The following LMLN variants were observed in gnomAD, a reference collection of about 807,000 sequenced individuals.
The protein encoded by LMLN is leishmanolysin-like peptidase.
Under a neutral mutation model 92.3 loss-of-function variants are expected in LMLN, and 70 were observed. The observed-to-expected ratio is 0.76, with a 90% CI of 0.63 to 0.92. LMLN has a LOEUF of 0.92. LMLN is among the 40% of genes least tolerant of loss of function. The probability of loss-of-function intolerance (pLI) is 0.00; values close to 1 mark genes in which losing one functional copy is unlikely to be tolerated. For missense variants in LMLN, 691 were observed against 814.6 expected, an observed-to-expected ratio of 0.85 and a Z score of 1.85; for synonymous variants, 308 against 296.2, an observed-to-expected ratio of 1.04 and a Z score of -0.41.
intron 14 of LMLN, among the ~76,000 whole-genome samples, chr3:198,027,396 A>G (rs773657835): frequency 5.9e-5 from 9 of 151,956 alleles, no homozygotes; most frequent in Admixed American, 1.3e-4. Context: ...TAACATAAAC[A>G]TTTCCATTTT....
rs1220015393 is a variant in LMLN at position 197,969,564 on chromosome 3, TAGAG to T, written c.220-4810_220-4807del. ...CATTCTAGTCGAATTTTGTTATTGA[TAGAG>T]AGCATCCTTTTTACCAGTTCTTTTA... On this transcript the variant is annotated intron_variant, in intron 1 of 15. Transcript: ENST00000330198. Among the ~76,000 whole-genome samples, 43 of 152,196 alleles carry T rather than the reference TAGAG, an allele frequency of 2.8e-4. 1 individual carries two copies. The highest frequency in any genetic ancestry group is 2.2e-3 in the Admixed American group (33 of 15,272).
At chr3:197,975,478 C>T (rs370775536) in intron 3 of LMLN, among the ~76,000 whole-genome samples, 3 of 152,178 alleles carry the variant, frequency 2.0e-5, no homozygotes, top group African/African-American at 4.8e-5. Flanking sequence ...GACACACACA[C>T]ATGCACGCAT....
chr3:197,990,721 T>C (rs749393067), intron 9 of LMLN, 45 bp downstream of exon 9: 5 of 922,220 alleles, frequency 5.4e-6, no homozygotes, highest in Non-Finnish European at 8.9e-6. Flanking sequence ...TCTGTTCTTT[T>C]CCTTTACTGT....
chr3:198,019,131 T>G lies in LMLN; in HGVS notation c.1233-122T>G. 1.1e-6 allele frequency: 1 copy of G among 947,170 alleles called. No homozygotes were observed. Among genetic ancestry groups the G allele is most frequent in the Non-Finnish European group, 1.5e-6 (1 of 646,872 alleles). The allele number at this position is 947,170 out of a possible 1,614,324, so 58.7% of individuals were successfully genotyped here. On this transcript the variant is annotated intron_variant, in intron 11 of 15. Transcript: ENST00000330198. The surrounding 1 kb of genome is among the most constrained non-coding windows in gnomAD (Gnocchi z 5.5). ...CCTCCATCTCTTTCCAAGAATCCCATTTGTTAATTATGAAGGTTTGTATTT... is the reference window on the plus strand; with the variant it reads ...CCTCCATCTCTTTCCAAGAATCCCAGTTGTTAATTATGAAGGTTTGTATTT...
chr3:197,966,689 GC>G (rs1721070672), intron 1 of LMLN, among the ~76,000 whole-genome samples: 1 of 151,876 alleles, frequency 6.6e-6, no homozygotes, highest in Non-Finnish European at 1.5e-5. Context: ...TGTCAAATCA[GC>G]CTTGCATTCT....
exon 16 of LMLN, chr3:198,038,731 T>C: frequency 8.0e-7 from 1 of 1,249,292 alleles, no homozygotes; most frequent in Non-Finnish European, 1.2e-6. Flanking sequence ...AAGCACAAAG[T>C]TTGAGTGAGT....
intron 11 of LMLN, among the ~76,000 whole-genome samples, chr3:198,010,100 C>T: frequency 6.6e-6 from 1 of 152,026 alleles, no homozygotes; most frequent in Non-Finnish European, 1.5e-5. Context: ...TTGATTTCTG[C>T]TCCCTGCTAT....
intron 11 of LMLN, among the ~76,000 whole-genome samples, chr3:198,013,820 C>A (rs28424006): frequency 8.0e-6 from 1 of 124,464 alleles, no homozygotes; most frequent in South Asian, 2.4e-4. Context: ...CCTAACTAGT[C>A]GGACTTCTCT....
chr3:198,008,785 T>C (rs1722359223), intron 11 of LMLN, among the ~76,000 whole-genome samples: 1 of 152,236 alleles, frequency 6.6e-6, no homozygotes, highest in African/African-American at 2.4e-5. Flanking sequence ...TCATGCTTTA[T>C]TTTTATTTTG....
At chr3:198,024,434 C>T (rs1490201159) in intron 13 of LMLN, among the ~76,000 whole-genome samples, 1 of 152,168 alleles carries the variant, frequency 6.6e-6, no homozygotes, top group African/African-American at 2.4e-5. Context: ...CCAGGATGGT[C>T]TCCATCTTCT....
At chr3:197,991,722 T>C (rs1721877781) in intron 9 of LMLN, among the ~76,000 whole-genome samples, 1 of 152,184 alleles carries the variant, frequency 6.6e-6, no homozygotes. Flanking sequence ...ATGGCTATTC[T>C]CCTTTCCCCT....
In LMLN at chr3:198,025,351, G is replaced by A. The variant is rs988201243; in HGVS notation, c.1656+563G>A. On this transcript the variant is annotated intron_variant, in intron 14 of 15. Transcript: ENST00000330198. The surrounding 1 kb of genome is among the most constrained non-coding windows in gnomAD (Gnocchi z 4.3). ...CTTTGTAATTAGAAATCCAAAAAGG[G>A]CAAACTACAATTTTTTTTCCTTTTT... 1.3e-5 allele frequency among the ~76,000 whole-genome samples: 2 copies of A among 152,116 alleles called. No individual in the cohort carries two copies. Among genetic ancestry groups the A allele is most frequent in the Admixed American group, 6.5e-5 (1 of 15,268 alleles).
At chr3:197,996,377 G>A in intron 10 of LMLN, 95 bp downstream of exon 10, 1 of 746,664 alleles carries the variant, frequency 1.3e-6, no homozygotes, top group Non-Finnish European at 2.1e-6. Context: ...ACTGAAAAAT[G>A]TTTACGTCCC....
chr3:197,998,437 A>G (rs1441411347), intron 10 of LMLN, among the ~76,000 whole-genome samples: 1 of 152,074 alleles, frequency 6.6e-6, no homozygotes, highest in Admixed American at 6.6e-5. Context: ...TCCTTAAGAA[A>G]TTTTCTTAAG....
intron 9 of LMLN, among the ~76,000 whole-genome samples, chr3:197,993,600 A>G (rs917441347): frequency 1.3e-5 from 2 of 152,156 alleles, no homozygotes; most frequent in Admixed American, 1.3e-4. Context: ...CACAATAAAT[A>G]TAAAGGTATC....
At position 197,974,368 on chromosome 3, in the gene LMLN, T is replaced by A. The variant is rs142223828; in HGVS notation, c.220-9T>A. 2,642 of 1,495,156 alleles carry A rather than the reference T, an allele frequency of 1.8e-3. 8 individuals carry two copies. The highest frequency in any genetic ancestry group is 2.9e-3 in the Admixed American group (159 of 54,192). The allele number at this position is 1,495,156 out of a possible 1,614,324, so 92.6% of individuals were successfully genotyped here. On this transcript the variant is annotated splice_polypyrimidine_tract_variant and intron_variant, in intron 1 of 15. Transcript: ENST00000330198. ...CTTAAACAGTTTTCAAATCCGTTCC[T>A]TTTTTCAGGTCATAAATAAAGTTCA...
intron 13 of LMLN, among the ~76,000 whole-genome samples, chr3:198,022,952 A>G (rs1039633337): frequency 8.5e-5 from 13 of 152,226 alleles, no homozygotes; most frequent in African/African-American, 2.9e-4. Flanking sequence ...TCTGTCAGTT[A>G]TGGATTTGCC....
chr3:197,964,049 A>G (rs180786042), intron 1 of LMLN, among the ~76,000 whole-genome samples: 17 of 152,308 alleles, frequency 1.1e-4, no homozygotes, highest in Middle Eastern at 3.4e-3. Flanking sequence ...ATAGTTTCTC[A>G]CTTTATGAAC....
intron 5 of LMLN, among the ~76,000 whole-genome samples, chr3:197,978,378 G>A (rs1303216526): frequency 2.0e-5 from 3 of 152,168 alleles, no homozygotes; most frequent in Non-Finnish European, 4.4e-5. Context: ...GCTTACACCT[G>A]TAGTCCCAGT....
Sources: gnomAD v4.1 joint callset for allele counts (sites outside exome capture counted in the v4.1 genomes callset) on GRCh38, gnomAD v4.1.1 for gene constraint, Gnocchi (gnomAD v3.1) non-coding constraint, MANE v1.5 for transcripts, NCBI Gene and HGNC (gene_info 2026-07-23, HGNC 2026-07-21) for gene names.